CALN1: variants seen among roughly 807,000 people sequenced by gnomAD.
CALN1 encodes the protein calneuron 1.
A neutral mutation model predicts 30.6 loss-of-function variants in CALN1; 17 were observed. The ratio of observed to expected loss-of-function variants is 0.56; its 90% confidence interval spans 0.38 to 0.83. The LOEUF (loss-of-function observed/expected upper bound fraction) is 0.83, where lower values mean the gene tolerates loss of function less well. Ranked by LOEUF, CALN1 falls within the 40% of genes least tolerant of loss-of-function variation. The pLI is 0.00. For synonymous variants in CALN1, 156 were observed against 131.4 expected, an observed-to-expected ratio of 1.19 and a Z score of -1.28; for missense variants, 291 against 354.9, an observed-to-expected ratio of 0.82 and a Z score of 1.45.
chr7:72,108,683 A>G lies in CALN1; in HGVS notation c.245-2389T>C, dbSNP rs375198457. On this transcript the variant is annotated intron_variant, in intron 3 of 6. Transcript: ENST00000395275. ...ACAATCGTCTATACATTCCTTCCCT[A>G]TGATATATAAGTCCTGGGTCTGGTA... Among the ~76,000 whole-genome samples the G allele has an allele frequency of 1.1e-3, 167 of 152,194 alleles. 1 individual carries two copies. The highest frequency in any genetic ancestry group is 3.9e-3 in the African/African-American group (164 of 41,524).
At chr7:72,454,814 T>A in the CALN1 span, among the ~76,000 whole-genome samples, 2 of 151,600 alleles carry the variant, frequency 1.3e-5, no homozygotes, top group African/African-American at 4.8e-5. Flanking sequence ...AGTTAAGCCC[T>A]ACTGATCTCT....
At chr7:71,873,007 T>C (rs1469905232) in intron 5 of CALN1, among the ~76,000 whole-genome samples, 2 of 147,736 alleles carry the variant, frequency 1.4e-5, no homozygotes, top group Non-Finnish European at 3.0e-5. Context: ...GACAATTTTT[T>C]TTTTTTTTTT....
chr7:72,111,889 T>G (rs1807602896), intron 3 of CALN1, among the ~76,000 whole-genome samples: 1 of 152,066 alleles, frequency 6.6e-6, no homozygotes, highest in East Asian at 1.9e-4. Context: ...TAGCTGGGAT[T>G]ACAGGCGCCC....
intron 4 of CALN1, among the ~76,000 whole-genome samples, chr7:72,090,859 G>T (rs1015566420): frequency 6.6e-6 from 1 of 152,070 alleles, no homozygotes; most frequent in Non-Finnish European, 1.5e-5. Flanking sequence ...ACTGATCTAT[G>T]GTAGCTTAAA....
chr7:72,374,793 A>G (rs1018280550), intron 2 of CALN1, among the ~76,000 whole-genome samples: 1 of 152,174 alleles, frequency 6.6e-6, no homozygotes, highest in Non-Finnish European at 1.5e-5. Flanking sequence ...CCTAAGCATG[A>G]GGTTATTTAA....
upstream of CALN1, among the ~76,000 whole-genome samples, chr7:72,451,188 G>GAGAAGAAGA (rs758368072): frequency 8.1e-4 from 101 of 125,060 alleles, no homozygotes; most frequent in Non-Finnish European, 1.1e-3. Flanking sequence ...GCAGGAGGAG[G>GAGAAGAAGA]AGAAGAAGAA....
Position 71,893,798 on chromosome 7 carries a change from G to C in CALN1, c.502-83306C>G, listed in dbSNP as rs184286470. ...GAGATGAACCATTAAGGTTTCCTCT[G>C]AGCCTCTTTAGTTCTGCCCATTGCA... On this transcript the variant is annotated intron_variant, in intron 5 of 6. Coordinates refer to ENST00000395275, the MANE Select transcript of CALN1 (RefSeq NM_031468.4). 2.6e-5 allele frequency among the ~76,000 whole-genome samples: 4 copies of C among 152,176 alleles called. No individual in the cohort carries two copies. The East Asian group carries it at 7.7e-4, about 29-fold the overall frequency.
intron 1 of CALN1, among the ~76,000 whole-genome samples, chr7:72,408,507 C>T (rs146651694): frequency 1.7e-3 from 258 of 151,840 alleles, no homozygotes; most frequent in African/African-American, 5.6e-3. Flanking sequence ...GGTCAGAGAG[C>T]GTAACTGGAA....
At chr7:72,405,389 G>A (rs1453146823) in intron 1 of CALN1, among the ~76,000 whole-genome samples, 1 of 152,170 alleles carries the variant, frequency 6.6e-6, no homozygotes, top group Non-Finnish European at 1.5e-5. Flanking sequence ...AGCATAGCTT[G>A]GGAGGTCTCA....
intron 2 of CALN1, among the ~76,000 whole-genome samples, chr7:72,391,299 G>A (rs925101323): frequency 6.6e-6 from 1 of 152,162 alleles, no homozygotes; most frequent in Non-Finnish European, 1.5e-5. Context: ...AATGTTAAGA[G>A]ATAAACACTC....
chr7:72,141,400 G>A (rs944035134), intron 3 of CALN1, among the ~76,000 whole-genome samples: 1 of 152,118 alleles, frequency 6.6e-6, no homozygotes, highest in Non-Finnish European at 1.5e-5. Context: ...AAGAGTTCGA[G>A]ACCAGCCCTG....
the CALN1 span, among the ~76,000 whole-genome samples, chr7:72,483,147 A>T: frequency 6.6e-6 from 1 of 150,982 alleles, no homozygotes; most frequent in South Asian, 2.1e-4. Context: ...TGCTTTTAAA[A>T]TTTTTTTTAA....
intron 3 of CALN1, among the ~76,000 whole-genome samples, chr7:72,218,402 C>T (rs1051712666): frequency 3.3e-5 from 5 of 151,912 alleles, no homozygotes; most frequent in African/African-American, 1.2e-4. Flanking sequence ...GAACTGAGAT[C>T]GTGCCACTGC....
At position 72,306,624 on chromosome 7, in the gene CALN1, A is replaced by G. The variant is rs1271091940; in HGVS notation, c.120-27814T>C. 2.1e-5 allele frequency among the ~76,000 whole-genome samples: 3 copies of G among 143,060 alleles called. No individual in the cohort carries two copies. In the East Asian group the frequency reaches 7.1e-4, roughly 34 times the overall value. 93.9% of individuals were successfully genotyped at this position (143,060 alleles called of 152,430 possible). A position where few individuals can be genotyped will look rare whatever the true frequency, so the allele number is the denominator to read the frequency against. On this transcript the variant is annotated intron_variant, in intron 2 of 6. Transcript: ENST00000395275. Reference sequence around the variant, plus strand: ...AAATAAACTCTCATTCCTGCTCTAAAAAAAAAAAGAAGAAAAAAAAAGAAA... The same window carrying G: ...AAATAAACTCTCATTCCTGCTCTAAGAAAAAAAAGAAGAAAAAAAAAGAAA...
At chr7:72,472,015 C>A in the CALN1 span, among the ~76,000 whole-genome samples, 3 of 152,080 alleles carry the variant, frequency 2.0e-5, no homozygotes, top group African/African-American at 7.2e-5. Flanking sequence ...AGGCTGGTCT[C>A]AAACCCCTGG....
chr7:72,182,307 AC>A (rs1789869349), intron 3 of CALN1, among the ~76,000 whole-genome samples: 1 of 152,210 alleles, frequency 6.6e-6, no homozygotes, highest in African/African-American at 2.4e-5. Flanking sequence ...GCAATGTGTT[AC>A]CAGACAACTA....
rs1294126705 is a variant in CALN1 at position 72,048,423 on chromosome 7, C to A, written c.389-24654G>T. On this transcript the variant is annotated intron_variant, in intron 4 of 6. Coordinates refer to ENST00000395275, the MANE Select transcript of CALN1 (RefSeq NM_031468.4). ...CCATGTGTGAGTAGAGCAGCACCTG[C>A]ATGTGACATGATAAAGAAATAACAG... Among the ~76,000 whole-genome samples the A allele has an allele frequency of 1.1e-4, 17 of 152,136 alleles. No homozygotes were observed. The South Asian group carries it at 1.9e-3, about 17-fold the overall frequency.
chr7:72,260,057 T>C (rs528937811), intron 3 of CALN1, among the ~76,000 whole-genome samples: 3 of 152,162 alleles, frequency 2.0e-5, no homozygotes, highest in South Asian at 2.1e-4. Context: ...CATAGTGAGA[T>C]ACCATCTCTA....
intron 1 of CALN1, among the ~76,000 whole-genome samples, chr7:72,432,963 G>A (rs1385734513): frequency 6.6e-6 from 1 of 152,144 alleles, no homozygotes; most frequent in Non-Finnish European, 1.5e-5. Flanking sequence ...GGAGAGGCGG[G>A]AAAAGAACAA....
Sources: allele counts gnomAD v4.1 joint callset (sites outside exome capture counted in the v4.1 genomes callset), GRCh38; gene constraint gnomAD v4.1.1; transcripts MANE v1.5; gene names NCBI Gene and HGNC (gene_info 2026-07-23, HGNC 2026-07-21).